Variants in NRXN1 observed in about 807,000 individuals in gnomAD.
NRXN1 encodes neurexin 1.
NRXN1 carries 39 observed loss-of-function variants against 150.9 expected under a neutral mutation model. The ratio of observed to expected loss-of-function variants is 0.26; its 90% CI spans 0.20 to 0.34. The LOEUF is 0.34. Ranked by LOEUF, NRXN1 falls within the 10% of genes least tolerant of loss-of-function variation. The pLI is 1.00. For missense variants in NRXN1, 1,815 were observed against 1,949.9 expected (o/e 0.93, Z 1.30); for synonymous variants, 924 against 757.0 (o/e 1.22, Z -3.62).
chr2:50,015,459 A>G (rs960004473), intron 21 of NRXN1, among the ~76,000 whole-genome samples: 5 of 148,562 alleles, frequency 3.4e-5, no homozygotes, highest in Admixed American at 6.7e-5. Flanking sequence ...TAACATAGAA[A>G]TGATTATAAA....
chr2:50,909,230 A>G (rs1168071212), intron 5 of NRXN1, among the ~76,000 whole-genome samples: 1 of 151,986 alleles, frequency 6.6e-6, no homozygotes. Context: ...AAATAAAGAA[A>G]AACTTTTTAA....
intron 5 of NRXN1, chr2:50,829,520 A>G: frequency 6.2e-7 from 1 of 1,607,208 alleles, no homozygotes; most frequent in Non-Finnish European, 8.5e-7. Flanking sequence ...GCACAGTGGC[A>G]AGTGCGATGG....
intron 21 of NRXN1, among the ~76,000 whole-genome samples, chr2:50,014,931 T>C (rs1686326040): frequency 6.6e-6 from 1 of 152,300 alleles, no homozygotes; most frequent in East Asian, 1.9e-4. Flanking sequence ...TCACAGCCGG[T>C]GTAGTCAAGA....
At chr2:50,530,359 T>C (rs2093066560) in intron 11 of NRXN1, among the ~76,000 whole-genome samples, 1 of 152,196 alleles carries the variant, frequency 6.6e-6, no homozygotes, top group Non-Finnish European at 1.5e-5. Flanking sequence ...CTAATTATAA[T>C]TAATTTTTAT....
chr2:51,021,924 CT>C (rs1467702765), intron 2 of NRXN1, among the ~76,000 whole-genome samples: 1 of 151,940 alleles, frequency 6.6e-6, no homozygotes, highest in Non-Finnish European at 1.5e-5. Context: ...GTGTTAAGTG[CT>C]TGCTAAATCA....
chr2:50,070,661 T>G (rs1696127105), intron 19 of NRXN1, among the ~76,000 whole-genome samples: 1 of 149,318 alleles, frequency 6.7e-6, no homozygotes, highest in Admixed American at 6.7e-5. Context: ...TCCCAGCTAC[T>G]CGGGAGGCTG....
intron 22 of NRXN1, among the ~76,000 whole-genome samples, chr2:49,923,006 A>C (rs1668495117): frequency 6.6e-6 from 1 of 152,198 alleles, no homozygotes; most frequent in African/African-American, 2.4e-5. Context: ...AATAGATTAG[A>C]TAATAATAGA....
chr2:50,941,047 C>G (rs549117311), intron 2 of NRXN1, among the ~76,000 whole-genome samples: 169 of 152,234 alleles, frequency 1.1e-3, no homozygotes, highest in African/African-American at 4.0e-3. Context: ...CCTTGCTGTT[C>G]TCATGATAGA....
In NRXN1 at chr2:50,347,189, G is replaced by C. The variant is rs200389903; in HGVS notation, c.3365-110219C>G. On this transcript the variant is annotated intron_variant, in intron 17 of 22. Transcript: ENST00000401669. The surrounding 1 kb of genome is among the most constrained non-coding windows in gnomAD (Gnocchi z 4.9). The stretch of plus-strand genomic sequence containing the variant: ...GGCGAATGCAGCTGGAGAGGGGCTT[G>C]TCCGGAAAGGCAGCCCCGGGAACAG... 7.4e-7 allele frequency: 1 copy of C among 1,353,968 alleles called. No homozygotes were observed. The highest frequency in any genetic ancestry group is 1.2e-5 in the South Asian group (1 of 81,594). 83.9% of individuals were successfully genotyped at this position (1,353,968 alleles called of 1,614,324 possible). A position where few individuals can be genotyped will look rare whatever the true frequency, so the allele number is the denominator to read the frequency against.
chr2:50,994,325 A>T (rs1398173180), intron 2 of NRXN1, among the ~76,000 whole-genome samples: 1 of 151,916 alleles, frequency 6.6e-6, no homozygotes, highest in Non-Finnish European at 1.5e-5. Context: ...CTCACCTTGC[A>T]TTTTTCAAGG....
intron 2 of NRXN1, among the ~76,000 whole-genome samples, chr2:50,939,372 C>T (rs1689059573): frequency 6.6e-6 from 1 of 151,554 alleles, no homozygotes; most frequent in Non-Finnish European, 1.5e-5. Flanking sequence ...ACAATGAAAA[C>T]ATTTTTAGTA....
In NRXN1 at chr2:50,811,193, G is replaced by A. The variant is rs182313031; in HGVS notation, c.832+110676C>T. On this transcript the variant is annotated intron_variant, in intron 5 of 22. Transcript: ENST00000401669. The stretch of plus-strand genomic sequence containing the variant: ...TACATATCCTTTCTCTCAATGACCG[G>A]CTAATCCAACACTGATGATTCCTTG... Among the ~76,000 whole-genome samples, 242 of 152,074 alleles carry A rather than the reference G, an allele frequency of 1.6e-3. 1 individual carries two copies. The highest frequency in any genetic ancestry group is 0.01 in the South Asian group (50 of 4,804).
At chr2:50,180,833 G>T (rs982415727) in intron 18 of NRXN1, among the ~76,000 whole-genome samples, 1 of 152,114 alleles carries the variant, frequency 6.6e-6, no homozygotes, top group African/African-American at 2.4e-5. Flanking sequence ...TAAAAGTCTT[G>T]CATGCACTGA....
rs894759196 is a variant in NRXN1 at position 50,306,407 on chromosome 2, G to A, written c.3365-69437C>T. Among the ~76,000 whole-genome samples the A allele has an allele frequency of 2.0e-5, 3 of 152,296 alleles. No individual in the cohort carries two copies. In the East Asian group the frequency reaches 5.8e-4, roughly 29 times the overall value. ...TCCAGCCTGAAAGTAGTGCTCAGGTGTACACACTGAGCCTTTTGTCTTTAA... is the reference window on the plus strand; with the variant it reads ...TCCAGCCTGAAAGTAGTGCTCAGGTATACACACTGAGCCTTTTGTCTTTAA... On this transcript the variant is annotated intron_variant, in intron 17 of 22. Transcript: ENST00000401669.
At chr2:50,732,994 A>C (rs1021760599) in intron 5 of NRXN1, among the ~76,000 whole-genome samples, 2 of 152,218 alleles carry the variant, frequency 1.3e-5, no homozygotes, top group African/African-American at 4.8e-5. Flanking sequence ...AATACTTTCA[A>C]ACCAGACACT....
At chr2:50,220,001 T>TA (rs1559116501) in intron 18 of NRXN1, among the ~76,000 whole-genome samples, 2 of 37,902 alleles carry the variant, frequency 5.3e-5, no homozygotes, top group African/African-American at 2.8e-4. Context: ...ATAATATATA[T>TA]TATATAATAT....
intron 17 of NRXN1, among the ~76,000 whole-genome samples, chr2:50,429,339 C>T (rs1468484046): frequency 2.0e-5 from 3 of 152,142 alleles, no homozygotes; most frequent in African/African-American, 7.2e-5. Flanking sequence ...TCACTACAAC[C>T]TCCACCTCCC....
chr2:50,692,022 T>TA (rs1435373004), intron 5 of NRXN1, among the ~76,000 whole-genome samples: 13 of 152,308 alleles, frequency 8.5e-5, no homozygotes, highest in African/African-American at 2.2e-4. Flanking sequence ...CTTGGGGAGA[T>TA]ACGTCTGTGT....
chr2:50,529,171 T>A (rs913802029), intron 11 of NRXN1, among the ~76,000 whole-genome samples: 18 of 152,220 alleles, frequency 1.2e-4, no homozygotes, highest in African/African-American at 1.7e-4. Context: ...GTTTTGTTTT[T>A]AAATTTTATT....
Sources: gnomAD v4.1 joint callset for allele counts (sites outside exome capture counted in the v4.1 genomes callset) on GRCh38, gnomAD v4.1.1 for gene constraint, Gnocchi (gnomAD v3.1) non-coding constraint, MANE v1.5 for transcripts, NCBI Gene and HGNC (gene_info 2026-07-23, HGNC 2026-07-21) for gene names.